Variants in TRAPPC9 observed in about 807,000 individuals in gnomAD.
TRAPPC9 encodes IKK2 binding protein.
In TRAPPC9, 83 loss-of-function variants were observed where a neutral mutation model predicts 124.0. The ratio of observed to expected loss-of-function variants is 0.67; its 90% confidence interval spans 0.56 to 0.80. The LOEUF (loss-of-function observed/expected upper bound fraction) is 0.80, where lower values mean the gene tolerates loss of function less well. Ranked by LOEUF, TRAPPC9 falls within the 30% of genes least tolerant of loss-of-function variation. The pLI is 0.00. For synonymous variants in TRAPPC9, 638 were observed against 617.5 expected (o/e 1.03, Z -0.49); for missense variants, 1,302 against 1,508.3 (o/e 0.86, Z 2.27).
At chr8:140,297,930 G>A (rs570143687) in intron 11 of TRAPPC9, among the ~76,000 whole-genome samples, 1 of 152,318 alleles carries the variant, frequency 6.6e-6, no homozygotes, top group East Asian at 1.9e-4. Flanking sequence ...GCACGTGAGA[G>A]GAAACCATAG....
chr8:139,956,694 T>A (rs1835010308), intron 19 of TRAPPC9, among the ~76,000 whole-genome samples: 1 of 152,206 alleles, frequency 6.6e-6, no homozygotes, highest in South Asian at 2.1e-4. Context: ...CGCCTGTGGA[T>A]GCAGAGGGGA....
In TRAPPC9 at chr8:139,812,953, G is replaced by A. The variant is rs192905907; in HGVS notation, c.3055+72926C>T. Among the ~76,000 whole-genome samples, 195 of 152,362 alleles carry A rather than the reference G, an allele frequency of 1.3e-3. 1 individual carries two copies. The highest frequency in any genetic ancestry group is 4.5e-3 in the African/African-American group (189 of 41,580). On this transcript the variant is annotated intron_variant, in intron 21 of 22. Transcript: ENST00000438773. ...GGTGCTTTGCAGACAGCTGCTAGAAGGTTCTAGAGCTGCAAGCTCCACGCC... is the reference window on the plus strand; with the variant it reads ...GGTGCTTTGCAGACAGCTGCTAGAAAGTTCTAGAGCTGCAAGCTCCACGCC...
intron 17 of TRAPPC9, among the ~76,000 whole-genome samples, chr8:140,068,294 T>G (rs1842977019): frequency 6.6e-6 from 1 of 152,124 alleles, no homozygotes. Flanking sequence ...TACAGAAGGC[T>G]TTCCAGGCAA....
At chr8:140,237,269 T>A (rs1195477095) in intron 16 of TRAPPC9, among the ~76,000 whole-genome samples, 1 of 151,594 alleles carries the variant, frequency 6.6e-6, no homozygotes, top group Non-Finnish European at 1.5e-5. Context: ...AATCATCTAG[T>A]AGGGAGACTT....
intron 21 of TRAPPC9, among the ~76,000 whole-genome samples, chr8:139,760,472 C>T (rs77843881): frequency 6.6e-6 from 1 of 152,212 alleles, no homozygotes; most frequent in Admixed American, 6.5e-5. Flanking sequence ...GGCAAAGTAG[C>T]GAAGGTTCTC....
At chr8:140,379,797 C>T (rs181778885) in intron 7 of TRAPPC9, among the ~76,000 whole-genome samples, 91 of 152,318 alleles carry the variant, frequency 6.0e-4, no homozygotes, top group South Asian at 2.9e-3. Flanking sequence ...CCGATTCCTA[C>T]AACACCTTAT....
intron 16 of TRAPPC9, among the ~76,000 whole-genome samples, chr8:140,248,754 T>TATGATAATGAAA (rs1448382839): frequency 1.3e-5 from 2 of 152,170 alleles, no homozygotes; most frequent in African/African-American, 4.8e-5. Flanking sequence ...GAATATACTA[T>TATGATAATGAAA]TTTGTGGGTG....
chr8:139,981,384 TCTC>T (rs1200062594), intron 19 of TRAPPC9, among the ~76,000 whole-genome samples: 2 of 152,130 alleles, frequency 1.3e-5, no homozygotes, highest in Non-Finnish European at 2.9e-5. Context: ...TCTGAGGGAC[TCTC>T]CTCATTTCCT....
chr8:140,413,657 C>T (rs1032211349), intron 5 of TRAPPC9, among the ~76,000 whole-genome samples: 1 of 100,600 alleles, frequency 9.9e-6, no homozygotes, highest in African/African-American at 3.9e-5. Flanking sequence ...CTATCCCTCC[C>T]CCCTCCCCCC....
At chr8:139,920,508 C>T (rs1832440687) in intron 19 of TRAPPC9, among the ~76,000 whole-genome samples, 1 of 152,332 alleles carries the variant, frequency 6.6e-6, no homozygotes, top group Middle Eastern at 3.4e-3. Flanking sequence ...AGAAAGGAGC[C>T]GCTGCCTACA....
chr8:140,334,950 T>A (rs570917274), intron 9 of TRAPPC9, among the ~76,000 whole-genome samples: 1 of 152,174 alleles, frequency 6.6e-6, no homozygotes, highest in African/African-American at 2.4e-5. Flanking sequence ...AGAAGCAGCA[T>A]GAAAAACCAT....
chr8:139,925,180 C>G (rs1314390987), intron 19 of TRAPPC9, among the ~76,000 whole-genome samples: 3 of 152,246 alleles, frequency 2.0e-5, no homozygotes, highest in Non-Finnish European at 1.5e-5. Context: ...GTGGCGGCGC[C>G]TCCCACTTTT....
At chr8:139,890,721 G>A (rs1376719988) in intron 20 of TRAPPC9, among the ~76,000 whole-genome samples, 1 of 152,224 alleles carries the variant, frequency 6.6e-6, no homozygotes, top group Non-Finnish European at 1.5e-5. Flanking sequence ...CAGGCCCCAA[G>A]TGAGGTTAGA....
chr8:140,266,075 A>G (rs977574709), intron 15 of TRAPPC9, among the ~76,000 whole-genome samples: 2 of 152,208 alleles, frequency 1.3e-5, no homozygotes, highest in African/African-American at 4.8e-5. Context: ...AATATAGTCA[A>G]TGTTTCTTAA....
chr8:140,233,720 T>C (rs1381051469), intron 16 of TRAPPC9, among the ~76,000 whole-genome samples: 1 of 148,050 alleles, frequency 6.8e-6, no homozygotes, highest in Non-Finnish European at 1.5e-5. Context: ...TTTGCTCTTT[T>C]CTGCCACAGA....
At chr8:139,886,630 A>G (rs1033900159) in intron 20 of TRAPPC9, among the ~76,000 whole-genome samples, 1 of 152,226 alleles carries the variant, frequency 6.6e-6, no homozygotes, top group Non-Finnish European at 1.5e-5. Context: ...TTGCAATAAA[A>G]GGGGAAAATT....
Position 139,860,237 on chromosome 8 carries a change from T to A in TRAPPC9, c.3055+25642A>T, listed in dbSNP as rs1046389821. On this transcript the variant is annotated intron_variant, in intron 21 of 22. Transcript: ENST00000438773. The stretch of plus-strand genomic sequence containing the variant: ...CTCTAGAAAAAAGCCCACATCATCT[T>A]CAAAAGGTAGAGCTAGCCCACTGAA... Among the ~76,000 whole-genome samples, 11 of 152,208 alleles carry A rather than the reference T, an allele frequency of 7.2e-5. No individual in the cohort carries two copies. The East Asian group carries it at 2.1e-3, about 29-fold the overall frequency.
chr8:140,085,822 G>C (rs959773254), intron 17 of TRAPPC9, among the ~76,000 whole-genome samples: 7 of 152,216 alleles, frequency 4.6e-5, no homozygotes, highest in African/African-American at 7.2e-5. Flanking sequence ...GCCTATCTCT[G>C]TCAACGCATT....
intron 21 of TRAPPC9, among the ~76,000 whole-genome samples, chr8:139,794,793 C>T (rs1451979778): frequency 2.0e-5 from 3 of 152,218 alleles, no homozygotes; most frequent in African/African-American, 7.2e-5. Context: ...AGCAATCCAA[C>T]CATACAAGCC....
Sources: allele counts gnomAD v4.1 joint callset (sites outside exome capture counted in the v4.1 genomes callset), GRCh38; gene constraint gnomAD v4.1.1; transcripts MANE v1.5; gene names NCBI Gene and HGNC (gene_info 2026-07-23, HGNC 2026-07-21).